Variants in ERBB4 observed in about 807,000 individuals in gnomAD.
ERBB4 encodes erb-b2 receptor tyrosine kinase 4.
A neutral mutation model predicts 158.0 loss-of-function variants in ERBB4; 42 were observed. The ratio of observed to expected loss-of-function variants is 0.27; its 90% confidence interval spans 0.21 to 0.34. The LOEUF (loss-of-function observed/expected upper bound fraction) is 0.34. Ranked by LOEUF, ERBB4 falls within the 10% of genes least tolerant of loss-of-function variation. ERBB4 has a pLI of 1.00. For missense variants in ERBB4, 1,333 were observed against 1,624.1 expected (o/e 0.82, Z 3.08); for synonymous variants, 583 against 558.7 (o/e 1.04, Z -0.61).
At chr2:212,457,531 C>T (rs1159417092) in intron 1 of ERBB4, among the ~76,000 whole-genome samples, 1 of 152,034 alleles carries the variant, frequency 6.6e-6, no homozygotes, top group Non-Finnish European at 1.5e-5. Context: ...TGCTTTCTTG[C>T]TGATTGTCCT....
chr2:211,509,154 AGGGG>A, intron 20 of ERBB4, among the ~76,000 whole-genome samples: 1 of 151,132 alleles, frequency 6.6e-6, no homozygotes, highest in African/African-American at 2.4e-5. Context: ...GGACACAGGG[AGGGG>A]GGAGTATCAC....
intron 1 of ERBB4, among the ~76,000 whole-genome samples, chr2:212,217,814 G>A (rs2083150160): frequency 6.6e-6 from 1 of 151,250 alleles, no homozygotes; most frequent in Admixed American, 6.6e-5. Context: ...TTTATAAAAT[G>A]AGATTACAAG....
intron 2 of ERBB4, among the ~76,000 whole-genome samples, chr2:212,021,358 G>A (rs1265406918): frequency 6.6e-6 from 1 of 151,890 alleles, no homozygotes; most frequent in Non-Finnish European, 1.5e-5. Flanking sequence ...GCATGGTACT[G>A]GTATAAAAAC....
intron 4 of ERBB4, among the ~76,000 whole-genome samples, chr2:211,783,292 T>C (rs2076079316): frequency 6.6e-6 from 1 of 152,230 alleles, no homozygotes; most frequent in African/African-American, 2.4e-5. Flanking sequence ...GTTTTCTAAA[T>C]ATATAATCAT....
chr2:212,509,839 TTATGA>T (rs1691407784), intron 1 of ERBB4, among the ~76,000 whole-genome samples: 1 of 151,964 alleles, frequency 6.6e-6, no homozygotes, highest in Non-Finnish European at 1.5e-5. Context: ...ATGTATTAAG[TTATGA>T]TATGAGTTTC....
intron 20 of ERBB4, among the ~76,000 whole-genome samples, chr2:211,483,047 A>G (rs1045633755): frequency 5.3e-5 from 8 of 152,150 alleles, no homozygotes; most frequent in Admixed American, 5.2e-4. Context: ...CATAGAAGTT[A>G]TAAAAAAAGA....
intron 3 of ERBB4, among the ~76,000 whole-genome samples, chr2:211,930,604 G>C (rs2080147602): frequency 6.6e-6 from 1 of 152,176 alleles, no homozygotes; most frequent in Middle Eastern, 3.4e-3. Flanking sequence ...CAGAGACCCA[G>C]CCGTGTTATA....
In ERBB4 at chr2:212,458,686, G is replaced by T. The variant is rs1246109839; in HGVS notation, c.82+79763C>A. Among the ~76,000 whole-genome samples, 6 of 152,188 alleles carry T rather than the reference G, an allele frequency of 3.9e-5. No homozygotes were observed. The East Asian group carries it at 1.2e-3, about 29-fold the overall frequency. Reference sequence around the variant, plus strand: ...AGATTTAATGGGGAGATGCTGGAGGGACTGATTTGGAGACAATGGATTATA... The same window carrying T: ...AGATTTAATGGGGAGATGCTGGAGGTACTGATTTGGAGACAATGGATTATA... On this transcript the variant is annotated intron_variant, in intron 1 of 27. Coordinates refer to ENST00000342788, the MANE Select transcript of ERBB4 (RefSeq NM_005235.3).
chr2:212,280,770 A>G (rs1023462381), intron 1 of ERBB4, among the ~76,000 whole-genome samples: 1 of 151,680 alleles, frequency 6.6e-6, no homozygotes, highest in African/African-American at 2.4e-5. Context: ...TAAAAGCATC[A>G]TGAATTGAAT....
intron 3 of ERBB4, among the ~76,000 whole-genome samples, chr2:211,799,310 CT>C (rs1270119425): frequency 6.6e-6 from 1 of 152,188 alleles, no homozygotes; most frequent in Non-Finnish European, 1.5e-5. Context: ...CATTATAGCT[CT>C]GTAATGTGTA....
chr2:212,522,838 T>C (rs1486629955), intron 1 of ERBB4, among the ~76,000 whole-genome samples: 2 of 151,928 alleles, frequency 1.3e-5, no homozygotes, highest in Non-Finnish European at 1.5e-5. Context: ...ATTAATACCA[T>C]CTACCACGCA....
At chr2:212,041,200 C>T (rs1024411858) in intron 2 of ERBB4, among the ~76,000 whole-genome samples, 30 of 152,138 alleles carry the variant, frequency 2.0e-4, no homozygotes, top group Admixed American at 1.8e-3. Flanking sequence ...AAAAGTGTAG[C>T]GTATGTTATT....
chr2:211,990,353 C>T (rs1344407529), intron 2 of ERBB4, among the ~76,000 whole-genome samples: 1 of 151,802 alleles, frequency 6.6e-6, no homozygotes, highest in Non-Finnish European at 1.5e-5. Context: ...TTGTAGGCAT[C>T]CCACTTATTT....
At chr2:211,971,984 G>A (rs2081467488) in intron 2 of ERBB4, among the ~76,000 whole-genome samples, 1 of 152,176 alleles carries the variant, frequency 6.6e-6, no homozygotes, top group African/African-American at 2.4e-5. Flanking sequence ...ACCCCTGTTT[G>A]TGGATAACAT....
At chr2:212,163,416 C>A (rs2081260611) in intron 1 of ERBB4, among the ~76,000 whole-genome samples, 1 of 152,016 alleles carries the variant, frequency 6.6e-6, no homozygotes. Context: ...GTCAGTGCTG[C>A]AAAGCCTAGA....
In ERBB4 at chr2:211,383,557, A is replaced by AG. The variant is rs1008338447; in HGVS notation, c.*57dup. The AG allele has an allele frequency of 9.1e-5, 129 of 1,417,762 alleles. No individual in the cohort carries two copies. The Middle Eastern group carries it at 1.2e-3, about 13-fold the overall frequency. The allele number at this position is 1,417,762 out of a possible 1,614,324, so 87.8% of individuals were successfully genotyped here. A position where few individuals can be genotyped will look rare whatever the true frequency, so the allele number is the denominator to read the frequency against. ...AGAAGGAAGACCACCAGAGAAAGAGAGGGGGGTGGGGAAATTGGAGCAGGT... is the reference window on the plus strand; with the variant it reads ...AGAAGGAAGACCACCAGAGAAAGAGAGGGGGGGTGGGGAAATTGGAGCAGGT... On this transcript the variant is annotated 3_prime_UTR_variant, in exon 28 of 28. Transcript: ENST00000342788.
At chr2:212,218,911 G>T (rs2083193174) in intron 1 of ERBB4, among the ~76,000 whole-genome samples, 1 of 151,274 alleles carries the variant, frequency 6.6e-6, no homozygotes, top group South Asian at 2.1e-4. Context: ...TGTTTTAAAA[G>T]TTCACCATAT....
intron 1 of ERBB4, among the ~76,000 whole-genome samples, chr2:212,466,301 G>C (rs1386386251): frequency 1.3e-5 from 2 of 152,146 alleles, no homozygotes; most frequent in African/African-American, 4.8e-5. Context: ...TACTGTATTT[G>C]CAAGATTTGA....
chr2:211,920,406 G>T (rs1002914987), intron 3 of ERBB4, among the ~76,000 whole-genome samples: 2 of 151,890 alleles, frequency 1.3e-5, no homozygotes, highest in Admixed American at 6.6e-5. Context: ...GATCTCAGAG[G>T]TGTTAACAAG....
Sources: allele counts gnomAD v4.1 joint callset (sites outside exome capture counted in the v4.1 genomes callset), GRCh38; gene constraint gnomAD v4.1.1; transcripts MANE v1.5; gene names NCBI Gene and HGNC (gene_info 2026-07-23, HGNC 2026-07-21).